The following RNF40 variants were observed in gnomAD, a reference collection of about 807,000 sequenced individuals.
RNF40 encodes ring finger protein 40, also known as E3 ubiquitin-protein ligase BRE1B.
Under a neutral mutation model 123.3 loss-of-function variants are expected in RNF40, and 39 were observed. The ratio of observed to expected loss-of-function variants is 0.32; its 90% CI spans 0.24 to 0.41. The LOEUF is 0.41. RNF40 is among the 10% of genes least tolerant of loss of function. The pLI is 1.00. For missense variants in RNF40, 1,003 were observed against 1,319.9 expected (o/e 0.76, Z 3.72); for synonymous variants, 538 against 526.0 (o/e 1.02, Z -0.31).
chr16:30,765,380 G>A (rs1238939298), intron 7 of RNF40, 45 bp from the exon 8 acceptor site: 7 of 1,613,914 alleles, frequency 4.3e-6, no homozygotes, highest in Non-Finnish European at 5.9e-6. Context: ...TTGGGCCTTA[G>A]CTCCTCCCCT....
At chr16:30,767,643 T>A (rs2054060799) in intron 11 of RNF40, 50 of 362,490 alleles carry the variant, frequency 1.4e-4, no homozygotes, top group Non-Finnish European at 1.8e-4. Flanking sequence ...TGTTTCTATT[T>A]AAAAAAAAAA....
At chr16:30,773,882 T>G (rs1333916462) in intron 19 of RNF40, 56 bp from the exon 20 acceptor site, 1 of 1,556,028 alleles carries the variant, frequency 6.4e-7, no homozygotes, top group African/African-American at 1.4e-5. Context: ...TGCTGTCAGC[T>G]TGGGGTCTGG....
At chr16:30,764,408 G>A in intron 5 of RNF40, 23 bp downstream of exon 5, 4 of 1,596,262 alleles carry the variant, frequency 2.5e-6, no homozygotes, top group Non-Finnish European at 3.4e-6. Flanking sequence ...TGCCCATACT[G>A]AAGGGGTGTC....
In RNF40 at chr16:30,773,948, C is replaced by T; in HGVS notation, c.2840C>T (p.Thr947Ile). The stretch of plus-strand genomic sequence containing the variant: ...CTTTGCCTGGCCCAGGCGCGGTTGA[C>T]CTGCCCCTGCTGTAACACCCGCAAG... Reference protein sequence around the residue: ...EEIKEYKARLTCPCCNTRKKD... With the variant: ...EEIKEYKARLICPCCNTRKKD... Residue 947 changes from threonine (T) to isoleucine (I), a missense_variant, in exon 20 of 20, where the codon ACC (threonine) becomes ATC (isoleucine). Thr to Ile is a moderately conservative substitution (Grantham distance 89). Around this residue, in one of 11 missense-constraint regions of RNF40, gnomAD observed 76 missense variants for 134.1 expected, o/e 0.57. Transcript: ENST00000324685. 6.2e-7 allele frequency: 1 copy of T among 1,612,214 alleles called. No homozygotes were observed. Among genetic ancestry groups the T allele is most frequent in the Non-Finnish European group, 8.5e-7 (1 of 1,178,548 alleles).
intron 17 of RNF40, 96 bp downstream of exon 17, chr16:30,769,696 G>A: frequency 1.5e-6 from 2 of 1,343,626 alleles, no homozygotes; most frequent in Non-Finnish European, 2.0e-6. Context: ...AGCCTGAGGT[G>A]AAGCCAGGCT....
chr16:30,766,067 A>C lies in RNF40; in HGVS notation c.994-96A>C, dbSNP rs760000258. The C allele has an allele frequency of 2.8e-5, 44 of 1,559,676 alleles. No homozygotes were observed. The highest frequency in any genetic ancestry group is 3.8e-5 in the Non-Finnish European group (43 of 1,137,468). On this transcript the variant is annotated intron_variant, in intron 8 of 19. Transcript: ENST00000324685. The surrounding 1 kb of genome is among the most constrained non-coding windows in gnomAD (Gnocchi z 5.4). ...GTGTCAGAATCGATCATTGCCCTGC[A>C]CGGGGTGCTTGGGGTGGAGTGTATG...
intron 11 of RNF40, 36 bp from the exon 12 acceptor site, chr16:30,767,858 T>C: frequency 2.5e-6 from 4 of 1,614,038 alleles, no homozygotes; most frequent in South Asian, 2.2e-5. Context: ...ACCCAGGAAC[T>C]GGTTCTGACA....
In RNF40 at chr16:30,769,180, C is replaced by G. The variant is rs1446318854; in HGVS notation, c.2248-6C>G. 2 of 1,614,010 alleles carry G rather than the reference C, an allele frequency of 1.2e-6. No individual in the cohort carries two copies. The highest frequency in any genetic ancestry group is 1.1e-5 in the South Asian group (1 of 91,060). ...GTTCCATCTTGTCTCTGCCCACTTG[C>G]TGCAGGAGGAGGAGGCTCTGCTCTC... On this transcript the variant is annotated splice_region_variant and splice_polypyrimidine_tract_variant and intron_variant, in intron 15 of 19. Transcript: ENST00000324685.
At chr16:30,764,438 A>G in intron 5 of RNF40, 53 bp downstream of exon 5, 1 of 1,477,908 alleles carries the variant, frequency 6.8e-7, no homozygotes, top group Admixed American at 1.9e-5. Flanking sequence ...CTGCATCTTG[A>G]TGGCACCCCT....
intron 15 of RNF40, 59 bp from the exon 16 acceptor site, chr16:30,769,127 C>G (rs2054099438): frequency 6.3e-7 from 1 of 1,599,258 alleles, no homozygotes; most frequent in African/African-American, 1.3e-5. Context: ...CCCATGGTTC[C>G]CCCACAGCCA....
At chr16:30,772,240 C>T (rs774188659) in intron 19 of RNF40, 50 bp downstream of exon 19, 2 of 1,431,402 alleles carry the variant, frequency 1.4e-6, no homozygotes, top group South Asian at 2.4e-5. Context: ...ATTGTAGATG[C>T]AGGATTGCTG....
intron 17 of RNF40, among the ~76,000 whole-genome samples, chr16:30,770,216 C>T (rs916388385): frequency 1.3e-5 from 2 of 150,536 alleles, no homozygotes; most frequent in Non-Finnish European, 3.0e-5. Flanking sequence ...AAGCAACTCT[C>T]CCAACCTCAG....
Position 30,768,517 on chromosome 16 carries a change from C to T in RNF40, c.1966C>T (p.Arg656Ter). The change falls in exon 13 of 20, where the codon CGA becomes TGA. Residue 656 changes from arginine to a stop codon, truncating the protein, a stop_gained. Transcript: ENST00000324685. LOFTEE classifies it high-confidence loss of function. This position sits in a 1 kb window ranked among gnomAD's most constrained non-coding sequence, Gnocchi z 4.1. Reference sequence around the variant, plus strand: ...GGAATCAGAACTCCTCAAGGGTCTCCGAGCAGAGCTCAAGTGAGGCTCTGT... The same window carrying T: ...GGAATCAGAACTCCTCAAGGGTCTCTGAGCAGAGCTCAAGTGAGGCTCTGT... Reference protein sequence around the residue: ...RKESELLKGLRAELKKAQESQ... With the variant: ...RKESELLKGL 2 of 1,610,328 alleles carry T rather than the reference C, an allele frequency of 1.2e-6. No individual in the cohort carries two copies. The highest frequency in any genetic ancestry group is 1.7e-6 in the Non-Finnish European group (2 of 1,177,532).
chr16:30,771,600 GAGTA>G (rs2054148807), intron 17 of RNF40, among the ~76,000 whole-genome samples: 1 of 151,958 alleles, frequency 6.6e-6, no homozygotes. Context: ...GTGGGGGACA[GAGTA>G]AGACTCCGTC....
At chr16:30,771,718 AG>A in intron 17 of RNF40, 114 bp from the exon 18 acceptor site, 1 of 1,175,600 alleles carries the variant, frequency 8.5e-7, no homozygotes, top group East Asian at 2.4e-5. Context: ...AGGCAGGAGC[AG>A]CTCCAGGGCA....
At position 30,773,949 on chromosome 16, in the gene RNF40, C is replaced by A; in HGVS notation, c.2841C>A (p.Thr947=). The A allele has an allele frequency of 6.2e-7, 1 of 1,612,272 alleles. No individual in the cohort carries two copies. Among genetic ancestry groups the A allele is most frequent in the Non-Finnish European group, 8.5e-7 (1 of 1,178,574 alleles). ...TTTGCCTGGCCCAGGCGCGGTTGAC[C>A]TGCCCCTGCTGTAACACCCGCAAGA... The part of the protein sequence containing the change: ...EEIKEYKARL[T]CPCCNTRKKD... The change falls in exon 20 of 20, where the codon ACC becomes ACA. Residue 947 remains threonine, a synonymous_variant. Coordinates refer to ENST00000324685, the MANE Select transcript of RNF40 (RefSeq NM_014771.4).
Position 30,768,002 on chromosome 16 carries a change from C to G in RNF40, c.1538C>G (p.Ala513Gly). ...AAGCGGAAGCTTCGAGAAGTACAAG[C>G]TGAGATTGGCAAGGTGAGAAGGGGC... is the stretch of plus-strand genomic sequence containing the variant. ...RYKRKLREVQ[A>G]EIGKLRAQAS... Residue 513 changes from alanine (A) to glycine (G), a missense_variant, in exon 12 of 20, where the codon GCT becomes GGT. Transcript: ENST00000324685. The surrounding 1 kb of genome is among the most constrained non-coding windows in gnomAD (Gnocchi z 4.1). 6.2e-7 allele frequency: 1 copy of G among 1,614,236 alleles called. No individual in the cohort carries two copies. The highest frequency in any genetic ancestry group is 8.5e-7 in the Non-Finnish European group (1 of 1,180,048).
chr16:30,771,035 C>G (rs116921811), intron 17 of RNF40, among the ~76,000 whole-genome samples: 2 of 152,146 alleles, frequency 1.3e-5, no homozygotes, highest in Non-Finnish European at 2.9e-5. Flanking sequence ...TTTTACATCC[C>G]TGCTATGTAC....
At position 30,766,593 on chromosome 16, in the gene RNF40, A is replaced by T; in HGVS notation, c.1293+35A>T. 2 of 1,589,872 alleles carry T rather than the reference A, an allele frequency of 1.3e-6. No homozygotes were observed. Among genetic ancestry groups the T allele is most frequent in the Non-Finnish European group, 1.7e-6 (2 of 1,165,848 alleles). On this transcript the variant is annotated intron_variant, in intron 10 of 19. Coordinates refer to ENST00000324685, the MANE Select transcript of RNF40 (RefSeq NM_014771.4). This position sits in a 1 kb window ranked among gnomAD's most constrained non-coding sequence, Gnocchi z 5.4. ...TGGAACAGGCGTTAGGGCTGGGCTA[A>T]GGGCCAAACCGTTAGTGTTGACGTG...
Sources: allele counts gnomAD v4.1 joint callset (sites outside exome capture counted in the v4.1 genomes callset), GRCh38; gene constraint gnomAD v4.1.1; regional missense constraint gnomAD v4.1.1; non-coding constraint Gnocchi (gnomAD v3.1); transcripts MANE v1.5; gene names NCBI Gene and HGNC (gene_info 2026-07-23, HGNC 2026-07-21).